RNF144A: variants seen among roughly 807,000 people sequenced by gnomAD.
RNF144A encodes E3 ubiquitin-protein ligase RNF144A.
RNF144A carries 11 observed loss-of-function variants against 38.7 expected under a neutral mutation model. That is an observed-to-expected ratio of 0.28 (90% confidence interval 0.18 to 0.47). The LOEUF is 0.47. RNF144A is among the 20% of genes least tolerant of loss of function. The pLI is 0.99. For missense variants in RNF144A, 316 were observed against 377.2 expected (o/e 0.84, Z 1.34); for synonymous variants, 149 against 143.9 (o/e 1.04, Z -0.25).
chr2:6,967,337 C>T lies in RNF144A; in HGVS notation c.-12+26190C>T, dbSNP rs146220185. On this transcript the variant is annotated intron_variant, in intron 2 of 8. Transcript: ENST00000320892. ...TCTACAGAAGACGTAGTTCGTTTGT[C>T]GTCTGCTACAGAAAACTTCCCTTGG... Among the ~76,000 whole-genome samples, 5 of 152,336 alleles carry T rather than the reference C, an allele frequency of 3.3e-5. No individual in the cohort carries two copies. The East Asian group carries it at 7.7e-4, about 24-fold the overall frequency.
At position 7,022,758 on chromosome 2, in the gene RNF144A, C is replaced by T. The variant is rs1288364694; in HGVS notation, c.510-1611C>T. Among the ~76,000 whole-genome samples, 5 of 152,216 alleles carry T rather than the reference C, an allele frequency of 3.3e-5. 1 individual carries two copies. In the East Asian group the frequency reaches 9.6e-4, roughly 29 times the overall value. On this transcript the variant is annotated intron_variant, in intron 6 of 8. Transcript: ENST00000320892. Reference sequence around the variant, plus strand: ...ATCAAAGTCATTCTCAGAAGGAGGCCAGGCCTAAGGTTTACTCGGAGCTGG... The same window carrying T: ...ATCAAAGTCATTCTCAGAAGGAGGCTAGGCCTAAGGTTTACTCGGAGCTGG...
chr2:7,006,673 T>C (rs1670461760), intron 3 of RNF144A, among the ~76,000 whole-genome samples: 1 of 152,066 alleles, frequency 6.6e-6, no homozygotes, highest in East Asian at 1.9e-4. Context: ...GCCACTGTCC[T>C]CTCTCCATGG....
intron 5 of RNF144A, among the ~76,000 whole-genome samples, chr2:7,019,796 G>A (rs1394921301): frequency 1.3e-5 from 2 of 152,230 alleles, no homozygotes; most frequent in African/African-American, 4.8e-5. Context: ...AATAAACTTT[G>A]TGGCTAATTC....
chr2:6,995,181 C>T (rs560468982), intron 2 of RNF144A, among the ~76,000 whole-genome samples: 10 of 152,004 alleles, frequency 6.6e-5, no homozygotes, highest in African/African-American at 1.9e-4. Context: ...AGGTGTCAGT[C>T]GTAAAACTTG....
intron 1 of RNF144A, among the ~76,000 whole-genome samples, chr2:6,939,764 T>C (rs2103294846): frequency 6.6e-6 from 1 of 152,290 alleles, no homozygotes; most frequent in South Asian, 2.1e-4. Flanking sequence ...TTAAGGTCTG[T>C]GTTTAGATTC....
intron 3 of RNF144A, among the ~76,000 whole-genome samples, chr2:6,998,893 G>C (rs564334234): frequency 2.0e-5 from 3 of 152,208 alleles, no homozygotes; most frequent in Non-Finnish European, 2.9e-5. Flanking sequence ...AATGCCTTGT[G>C]GGGGGTGGGG....
downstream of RNF144A, among the ~76,000 whole-genome samples, chr2:7,068,882 C>T (rs1340277279): frequency 6.6e-6 from 1 of 152,212 alleles, no homozygotes; most frequent in Non-Finnish European, 1.5e-5. Flanking sequence ...AGTCACCACA[C>T]ACACACCTAA....
At chr2:6,975,778 A>G (rs749458418) in intron 2 of RNF144A, among the ~76,000 whole-genome samples, 2 of 152,218 alleles carry the variant, frequency 1.3e-5, no homozygotes, top group Non-Finnish European at 1.5e-5. Flanking sequence ...GTGAGCCAAG[A>G]TTGCACCACA....
chr2:7,024,075 C>T (rs752845324), intron 6 of RNF144A, among the ~76,000 whole-genome samples: 15 of 152,126 alleles, frequency 9.9e-5, no homozygotes, highest in Non-Finnish European at 1.8e-4. Context: ...ATAAGCCTTT[C>T]GCTGTATTTT....
In RNF144A at chr2:7,040,626, G is replaced by C. The variant is rs186277591; in HGVS notation, c.*866G>C. 5.7e-5 allele frequency: 56 copies of C among 985,442 alleles called. No homozygotes were observed. In the Admixed American group the frequency reaches 8.0e-4, roughly 14 times the overall value. The allele number at this position is 985,442 out of a possible 1,614,324, so 61.0% of individuals were successfully genotyped here. A position where few individuals can be genotyped will look rare whatever the true frequency, so the allele number is the denominator to read the frequency against. ...GCTTTTTATTGTATTCAATCCCACT[G>C]CTTTGCTCGGCAATGGTTCTCCTCC... On this transcript the variant is annotated 3_prime_UTR_variant, in exon 9 of 9. Coordinates refer to ENST00000320892, the MANE Select transcript of RNF144A (RefSeq NM_014746.6).
Position 7,050,644 on chromosome 2 carries a change from T to G in RNF144A, c.735-17572T>G, listed in dbSNP as rs570084802. Among the ~76,000 whole-genome samples the G allele has an allele frequency of 2.0e-5, 3 of 152,342 alleles. No individual in the cohort carries two copies. The South Asian group carries it at 6.2e-4, about 32-fold the overall frequency. On this transcript the variant is annotated intron_variant, in intron 6 of 6. Transcript: ENST00000432850. ...ACCATTGAGAGCCTTCTGCTTCCTG[T>G]GTCGTTAAATCCAAATTCTTCACCG...
intron 1 of RNF144A, among the ~76,000 whole-genome samples, chr2:6,927,656 G>A (rs1664960674): frequency 6.6e-6 from 1 of 152,232 alleles, no homozygotes; most frequent in Admixed American, 6.5e-5. Context: ...TTAAATTCTG[G>A]CCAGTCCCAA....
At chr2:6,949,975 C>T (rs1666576799) in intron 2 of RNF144A, among the ~76,000 whole-genome samples, 2 of 152,052 alleles carry the variant, frequency 1.3e-5, no homozygotes, top group South Asian at 4.1e-4. Flanking sequence ...ATTTACCCCT[C>T]TAGAAAATTT....
rs190228566 is a variant in RNF144A, at chr2:7,024,523, A to G, written c.657+7A>G. On this transcript the variant is annotated splice_region_variant and intron_variant, in intron 7 of 8. Coordinates refer to ENST00000320892, the MANE Select transcript of RNF144A (RefSeq NM_014746.6). ...CTGCCTGGAGTCTCTGGACGTGAGTACGGCCTTCAGCTTCACCTTGCGGCA... is the reference window on the plus strand; with the variant it reads ...CTGCCTGGAGTCTCTGGACGTGAGTGCGGCCTTCAGCTTCACCTTGCGGCA... The G allele has an allele frequency of 8.8e-4, 1,408 of 1,597,384 alleles. 13 individuals are homozygous for G. In the Admixed American group the frequency reaches 0.016, roughly 19 times the overall value.
At chr2:6,942,676 G>T (rs374791544) in intron 2 of RNF144A, among the ~76,000 whole-genome samples, 1 of 152,194 alleles carries the variant, frequency 6.6e-6, no homozygotes, top group Non-Finnish European at 1.5e-5. Flanking sequence ...AGCCAGAGAA[G>T]GTTTGGGTGC....
Position 7,041,370 on chromosome 2 carries a change from C to A in RNF144A, c.*1610C>A, listed in dbSNP as rs535870948. On this transcript the variant is annotated 3_prime_UTR_variant, in exon 9 of 9. Coordinates refer to ENST00000320892, the MANE Select transcript of RNF144A (RefSeq NM_014746.6). ...TTCGTTAGAAAAAACAGCGTCACCT[C>A]ACTCTTCACCTGTCATGTTGATTTT... 4 of 985,828 alleles carry A rather than the reference C, an allele frequency of 4.1e-6. No individual in the cohort carries two copies. In the African/African-American group the frequency reaches 7.0e-5, roughly 17 times the overall value. 61.1% of individuals were successfully genotyped at this position (985,828 alleles called of 1,614,324 possible).
At chr2:6,967,282 A>C (rs1667728670) in intron 2 of RNF144A, among the ~76,000 whole-genome samples, 1 of 152,268 alleles carries the variant, frequency 6.6e-6, no homozygotes. Flanking sequence ...TCAAGCTTTG[A>C]AAATGTTATG....
rs1404132497 is a variant in RNF144A at position 7,014,463 on chromosome 2, C to G, written c.145C>G (p.Gln49Glu). 2 of 1,611,316 alleles carry G rather than the reference C, an allele frequency of 1.2e-6. No homozygotes were observed. Among genetic ancestry groups the G allele is most frequent in the South Asian group, 2.2e-5 (2 of 90,924 alleles). ...TCTGTTTTTCTTTCAGTGCCTGAAA[C>G]AGTATGTTGAGCTCTTGATCAAAGA... ...QCIFCTLCLK[Q>E]YVELLIKEGL... is the part of the protein sequence containing the mutation. Residue 49 changes from glutamine (Q) to glutamate (E), a missense_variant, in exon 4 of 9, where the codon CAG (glutamine) becomes GAG (glutamate). Physicochemically the swap from Gln to Glu is conservative, Grantham distance 29. Coordinates refer to ENST00000320892, the MANE Select transcript of RNF144A (RefSeq NM_014746.6).
intron 3 of RNF144A, among the ~76,000 whole-genome samples, chr2:7,009,366 A>T (rs866406105): frequency 6.6e-6 from 1 of 152,200 alleles, no homozygotes; most frequent in Non-Finnish European, 1.5e-5. Flanking sequence ...GCAGGGGAGC[A>T]GCACGCCGAT....
Sources: allele counts gnomAD v4.1 joint callset (sites outside exome capture counted in the v4.1 genomes callset), GRCh38; gene constraint gnomAD v4.1.1; transcripts MANE v1.5; gene names NCBI Gene and HGNC (gene_info 2026-07-23, HGNC 2026-07-21).